SMOC1: variants seen among roughly 807,000 people sequenced by gnomAD.
The protein encoded by SMOC1 is SPARC-related modular calcium-binding protein 1.
Under a neutral mutation model 56.3 loss-of-function variants are expected in SMOC1, and 22 were observed. That is an observed-to-expected ratio of 0.39 (90% confidence interval 0.28 to 0.56). SMOC1 has a LOEUF of 0.56. Ranked by LOEUF, SMOC1 falls within the 20% of genes least tolerant of loss-of-function variation. The pLI is 0.61. For synonymous variants in SMOC1, 193 were observed against 215.0 expected, an observed-to-expected ratio of 0.90 and a Z score of 0.89; for missense variants, 509 against 565.4, an observed-to-expected ratio of 0.90 and a Z score of 1.01.
At chr14:69,885,255 T>G (rs1374461415) in intron 1 of SMOC1, 4 of 865,242 alleles carry the variant, frequency 4.6e-6, no homozygotes, top group Non-Finnish European at 6.9e-6. Flanking sequence ...ACTCTCTCCT[T>G]CGAACAACTT....
At chr14:70,002,742 G>A (rs993528536) in intron 7 of SMOC1, among the ~76,000 whole-genome samples, 1 of 152,186 alleles carries the variant, frequency 6.6e-6, no homozygotes, top group Admixed American at 6.5e-5. Flanking sequence ...AAAGTGCAAA[G>A]TCCACAAGTA....
rs227402 is a variant in SMOC1, at chr14:70,030,150, C to T, written c.1292-92C>T. On this transcript the variant is annotated intron_variant, in intron 11 of 11. Coordinates refer to ENST00000361956, the MANE Select transcript of SMOC1 (RefSeq NM_001034852.3). ...CTTGTGGGGAAATTGATGGACATAG[C>T]TGGATTTCTCACAAGCCCAACTCTA... 0.49 allele frequency: 782,153 copies of T among 1,580,200 alleles called. 197,256 individuals are homozygous for T. Among genetic ancestry groups the T allele is most frequent in the African/African-American group, 0.72 (52,626 of 73,520 alleles).
intron 1 of SMOC1, among the ~76,000 whole-genome samples, chr14:69,916,732 C>T (rs61980630): frequency 0.081 from 12,259 of 152,280 alleles, 627 homozygotes; most frequent in Non-Finnish European, 0.12. Flanking sequence ...CTCAGAGACT[C>T]TTTCCTGGCC....
chr14:69,889,816 C>T (rs1021207091), intron 1 of SMOC1, among the ~76,000 whole-genome samples: 7 of 152,196 alleles, frequency 4.6e-5, no homozygotes, highest in Admixed American at 2.0e-4. Context: ...CTGCATTCCT[C>T]GGCTTGTGGC....
intron 1 of SMOC1, 123 bp from the exon 2 acceptor site, chr14:69,952,015 G>T: frequency 1.8e-6 from 2 of 1,106,112 alleles, no homozygotes; most frequent in Non-Finnish European, 2.7e-6. Flanking sequence ...TCACCTTTAG[G>T]GTTTTATTTG....
intron 3 of SMOC1, among the ~76,000 whole-genome samples, chr14:69,956,373 G>A (rs1883184899): frequency 1.3e-5 from 2 of 151,006 alleles, no homozygotes; most frequent in South Asian, 4.2e-4. Flanking sequence ...GTATGCTTCA[G>A]TCACATTGAC....
At position 70,031,699 on chromosome 14, in the gene SMOC1, C is replaced by G. The variant is rs1886157579; in HGVS notation, c.*1441C>G. On this transcript the variant is annotated 3_prime_UTR_variant, in exon 12 of 12. Transcript: ENST00000361956. ...AGGGTGGGCTGCCCAGCCTTCTGGTCTGAGGCGCAGCTCCCTCTGCCCAGG... is the reference window on the plus strand; with the variant it reads ...AGGGTGGGCTGCCCAGCCTTCTGGTGTGAGGCGCAGCTCCCTCTGCCCAGG... 6.6e-6 allele frequency: 1 copy of G among 152,260 alleles called. No homozygotes were observed. Among genetic ancestry groups the G allele is most frequent in the Non-Finnish European group, 1.5e-5 (1 of 68,078 alleles). The allele number at this position is 152,260 out of a possible 1,614,324, so 9.4% of individuals were successfully genotyped here.
intron 5 of SMOC1, among the ~76,000 whole-genome samples, chr14:69,990,672 C>T (rs1194428008): frequency 6.6e-6 from 1 of 152,206 alleles, no homozygotes; most frequent in Non-Finnish European, 1.5e-5. Flanking sequence ...TTTATTCTCC[C>T]TCAAAGACTT....
At chr14:69,946,094 A>C (rs1341298774) in intron 1 of SMOC1, among the ~76,000 whole-genome samples, 1 of 152,246 alleles carries the variant, frequency 6.6e-6, no homozygotes, top group African/African-American at 2.4e-5. Flanking sequence ...CTTGGCAGTC[A>C]GTCAAAACTA....
At position 70,023,369 on chromosome 14, in the gene SMOC1, A is replaced by C; in HGVS notation, c.1213A>C (p.Thr405Pro). The change falls in exon 11 of 12, where the codon ACC (threonine) becomes CCC (proline). Residue 405 changes from threonine to proline, a missense_variant. Thr to Pro is a conservative substitution (Grantham distance 38). This residue lies in a region of SMOC1 where 176 missense variants were observed against 188.1 expected (regional missense o/e 0.94). Coordinates refer to ENST00000361956, the MANE Select transcript of SMOC1 (RefSeq NM_001034852.3). Reference sequence around the variant, plus strand: ...GCCCAAGAAATGTGCCCGGCGTTTCACCGACTACTGTGACCTGAACAAAGA... The same window carrying C: ...GCCCAAGAAATGTGCCCGGCGTTTCCCCGACTACTGTGACCTGAACAAAGA... ...AKPKKCARRF[T>P]DYCDLNKDKV... is the part of the protein sequence containing the mutation. 6.2e-7 allele frequency: 1 copy of C among 1,614,152 alleles called. No individual in the cohort carries two copies. Among genetic ancestry groups the C allele is most frequent in the South Asian group, 1.1e-5 (1 of 91,070 alleles).
intron 1 of SMOC1, among the ~76,000 whole-genome samples, chr14:69,938,338 T>C (rs1267335568): frequency 6.6e-6 from 1 of 152,194 alleles, no homozygotes; most frequent in Admixed American, 6.5e-5. Flanking sequence ...TTTTGGGCCC[T>C]TTTGTATTGA....
intron 8 of SMOC1, 38 bp from the exon 9 acceptor site, chr14:70,011,447 A>AGG: frequency 2.8e-6 from 4 of 1,447,344 alleles, no homozygotes; most frequent in Non-Finnish European, 2.9e-6. Context: ...CTCAGTTGCC[A>AGG]GCCCCTCCCA....
rs1375062349 is a variant in SMOC1, at chr14:69,952,123, T to C, written c.100-15T>C. On this transcript the variant is annotated splice_polypyrimidine_tract_variant and intron_variant, in intron 1 of 11. Coordinates refer to ENST00000361956, the MANE Select transcript of SMOC1 (RefSeq NM_001034852.3). ...AAAAGTAACCTCTGTACCCTTTCAC[T>C]TTTTTCCAACCTAGTTTCTAATAAG... The C allele has an allele frequency of 3.1e-6, 5 of 1,613,908 alleles. No individual in the cohort carries two copies. The highest frequency in any genetic ancestry group is 4.2e-6 in the Non-Finnish European group (5 of 1,179,898).
chr14:69,910,230 T>TA (rs1884521923), intron 1 of SMOC1, among the ~76,000 whole-genome samples: 1 of 152,248 alleles, frequency 6.6e-6, no homozygotes, highest in Admixed American at 6.5e-5. Context: ...CATTCCCACT[T>TA]ACGATTGAGC....
intron 10 of SMOC1, among the ~76,000 whole-genome samples, chr14:70,016,586 G>C (rs1206138152): frequency 6.6e-6 from 1 of 152,172 alleles, no homozygotes; most frequent in Admixed American, 6.5e-5. Context: ...AGGGTTTAAG[G>C]CTGTTCCAGA....
intron 1 of SMOC1, among the ~76,000 whole-genome samples, chr14:69,918,093 T>C (rs1234738817): frequency 6.6e-6 from 1 of 152,342 alleles, no homozygotes; most frequent in Non-Finnish European, 1.5e-5. Context: ...ATATCTATCA[T>C]CTCACATGCT....
intron 1 of SMOC1, among the ~76,000 whole-genome samples, chr14:69,902,538 G>A (rs1214765611): frequency 6.6e-6 from 1 of 152,168 alleles, no homozygotes; most frequent in Non-Finnish European, 1.5e-5. Context: ...GGTCCTTGCA[G>A]CTTCTGCCTT....
At chr14:70,021,341 G>C (rs549678752) in intron 10 of SMOC1, among the ~76,000 whole-genome samples, 1 of 152,186 alleles carries the variant, frequency 6.6e-6, no homozygotes, top group East Asian at 1.9e-4. Context: ...TGCAGGGGCC[G>C]TCTTAACAGT....
At chr14:69,889,273 C>G (rs1328633353) in intron 1 of SMOC1, among the ~76,000 whole-genome samples, 1 of 152,158 alleles carries the variant, frequency 6.6e-6, no homozygotes, top group African/African-American at 2.4e-5. Flanking sequence ...CCTTCCTTCC[C>G]CATTTCTGTC....
Sources: gnomAD v4.1 joint callset for allele counts (sites outside exome capture counted in the v4.1 genomes callset) on GRCh38, gnomAD v4.1.1 for gene constraint, gnomAD v4.1.1 regional missense constraint, MANE v1.5 for transcripts, NCBI Gene and HGNC (gene_info 2026-07-23, HGNC 2026-07-21) for gene names.